Variants in TNFRSF10D observed in about 807,000 individuals in gnomAD.
The protein encoded by TNFRSF10D is TNF receptor superfamily member 10d, also known as tumor necrosis factor receptor superfamily member 10D.
A neutral mutation model predicts 42.1 loss-of-function variants in TNFRSF10D; 28 were observed. That is an observed-to-expected ratio of 0.66 (90% CI 0.49 to 0.91). The LOEUF is 0.91. Among genes scored for constraint, TNFRSF10D ranks in the 40% least tolerant of loss-of-function variants. The pLI, the probability that TNFRSF10D is intolerant of heterozygous loss-of-function variation, is 0.00. For missense variants in TNFRSF10D, 503 were observed against 486.1 expected (o/e 1.03, Z -0.33); for synonymous variants, 186 against 189.4 (o/e 0.98, Z 0.15).
At chr8:23,143,560 T>TA (rs1050682884) in intron 7 of TNFRSF10D, among the ~76,000 whole-genome samples, 3 of 150,968 alleles carry the variant, frequency 2.0e-5, no homozygotes, top group Non-Finnish European at 2.9e-5. Context: ...TTCCCTTCAT[T>TA]AAAAAAAATG....
intron 1 of TNFRSF10D, among the ~76,000 whole-genome samples, chr8:23,161,032 A>G (rs1185775799): frequency 5.2e-3 from 792 of 152,002 alleles, no homozygotes; most frequent in African/African-American, 0.016. Context: ...TGGAGGTGCA[A>G]GTAGGAACAG....
At chr8:23,154,726 A>G (rs1194267843) in intron 2 of TNFRSF10D, 148 bp downstream of exon 2, 1 of 940,948 alleles carries the variant, frequency 1.1e-6, no homozygotes, top group African/African-American at 1.6e-5. Context: ...GTGTTCTTAC[A>G]ACAAATACAC....
intron 2 of TNFRSF10D, 46 bp downstream of exon 2, chr8:23,154,828 T>C: frequency 6.5e-7 from 1 of 1,544,612 alleles, no homozygotes; most frequent in East Asian, 2.4e-5. Context: ...ATACAATGTT[T>C]ATCTGTCAAC....
At chr8:23,147,615 C>A (rs1044730828) in intron 3 of TNFRSF10D, among the ~76,000 whole-genome samples, 2 of 152,194 alleles carry the variant, frequency 1.3e-5, no homozygotes, top group African/African-American at 2.4e-5. Flanking sequence ...GATTTCCCAG[C>A]CTGGTGGCAT....
intron 1 of TNFRSF10D, among the ~76,000 whole-genome samples, chr8:23,158,127 T>C (rs139089541): frequency 5.3e-3 from 805 of 152,066 alleles, no homozygotes; most frequent in African/African-American, 0.018. Flanking sequence ...GTACTTTCCT[T>C]CTTTTCTTTC....
intron 1 of TNFRSF10D, among the ~76,000 whole-genome samples, chr8:23,159,230 CAT>C (rs1324277118): frequency 6.6e-6 from 1 of 152,020 alleles, no homozygotes; most frequent in Non-Finnish European, 1.5e-5. Flanking sequence ...CAGGACTATA[CAT>C]GTGAGCCATC....
rs777747805 is a variant in TNFRSF10D at position 23,145,898 on chromosome 8, A to T, written c.506T>A (p.Val169Asp). Residue 169 changes from valine to aspartate, a missense_variant, in exon 5 of 9, where the codon GTC (valine) becomes GAC (aspartate). Physicochemically the swap from Val to Asp is radical, Grantham distance 152. Coordinates refer to ENST00000312584, the MANE Select transcript of TNFRSF10D (RefSeq NM_003840.5). Reference protein sequence around the residue: ...RTGCPRGMVKVSNCTPRSDIK... With the variant: ...RTGCPRGMVKDSNCTPRSDIK... ...GTCACTCCGGGGCGTACAATTACTG[A>T]CCTTGACCATCCCTCTGGGACACCT... The T allele has an allele frequency of 1.9e-6, 3 of 1,613,940 alleles. No individual in the cohort carries two copies. The African/African-American group carries it at 4.0e-5, about 22-fold the overall frequency.
intron 1 of TNFRSF10D, among the ~76,000 whole-genome samples, chr8:23,163,507 C>T (rs1163660008): frequency 6.6e-6 from 1 of 152,224 alleles, no homozygotes; most frequent in African/African-American, 2.4e-5. Context: ...CTCCCTCCCT[C>T]CGCTGATTCT....
At chr8:23,142,026 C>T (rs967106267) in intron 7 of TNFRSF10D, among the ~76,000 whole-genome samples, 10 of 152,186 alleles carry the variant, frequency 6.6e-5, no homozygotes, top group Admixed American at 2.0e-4. Flanking sequence ...AATCCCAGCA[C>T]TTTGGGAGGC....
In TNFRSF10D at chr8:23,135,723, A is replaced by C; in HGVS notation, c.*2147T>G. On this transcript the variant is annotated 3_prime_UTR_variant, in exon 9 of 9. Transcript: ENST00000312584. ...TCAACCAACGCCAAAAAACCCCAAC[A>C]ATTTCATGTTGTCAGGAAGCTTATG... 2 of 293,864 alleles carry C rather than the reference A, an allele frequency of 6.8e-6. No homozygotes were observed. The highest frequency in any genetic ancestry group is 6.6e-5 in the South Asian group (2 of 30,506). 18.2% of individuals were successfully genotyped at this position (293,864 alleles called of 1,614,324 possible).
intron 2 of TNFRSF10D, among the ~76,000 whole-genome samples, chr8:23,151,985 T>C (rs1800217835): frequency 6.6e-6 from 1 of 152,262 alleles, no homozygotes; most frequent in African/African-American, 2.4e-5. Context: ...GTGGACTGTC[T>C]AATGCCTAAT....
intron 1 of TNFRSF10D, among the ~76,000 whole-genome samples, chr8:23,162,436 G>A (rs1403226110): frequency 6.6e-6 from 1 of 152,060 alleles, no homozygotes; most frequent in Non-Finnish European, 1.5e-5. Flanking sequence ...CTGCTGTTCT[G>A]AATTTAGTAT....
chr8:23,135,764 T>G lies in TNFRSF10D; in HGVS notation c.*2106A>C. On this transcript the variant is annotated 3_prime_UTR_variant, in exon 9 of 9. Transcript: ENST00000312584. ...GAAGCTTATGTTAAAGGAATAAGCT[T>G]AAACACTGATAAGGCTGGTAGTCTA... 2.6e-6 allele frequency: 1 copy of G among 387,664 alleles called. No homozygotes were observed. Among genetic ancestry groups the G allele is most frequent in the Non-Finnish European group, 5.1e-6 (1 of 197,534 alleles). 24.0% of individuals were successfully genotyped at this position (387,664 alleles called of 1,614,324 possible).
At chr8:23,145,202 C>T (rs959681661) in intron 5 of TNFRSF10D, 113 bp from the exon 6 acceptor site, 23 of 1,394,018 alleles carry the variant, frequency 1.6e-5, no homozygotes, top group Non-Finnish European at 2.1e-5. Flanking sequence ...GACAAGGAGC[C>T]CTGGGGCTGG....
chr8:23,146,968 T>A lies in TNFRSF10D; in HGVS notation c.475A>T (p.Arg159Ter). 6.2e-7 allele frequency: 1 copy of A among 1,614,106 alleles called. No homozygotes were observed. The highest frequency in any genetic ancestry group is 1.1e-5 in the South Asian group (1 of 91,084). Reference sequence around the variant, plus strand: ...CCCTGGCTGCTGTCTTACCCTGTTCTACACGTCCGGCACATCTCAGGGGAG... The same window carrying A: ...CCCTGGCTGCTGTCTTACCCTGTTCAACACGTCCGGCACATCTCAGGGGAG... ...KNSPEMCRTC[R>*]TGCPRGMVKV... The change falls in exon 4 of 9, where the codon AGA becomes TGA. Residue 159 changes from arginine (R) to a stop codon, truncating the protein, a stop_gained. Coordinates refer to ENST00000312584, the MANE Select transcript of TNFRSF10D (RefSeq NM_003840.5). LOFTEE classifies it high-confidence loss of function.
At chr8:23,154,266 CA>C (rs1350029887) in intron 2 of TNFRSF10D, among the ~76,000 whole-genome samples, 2 of 152,242 alleles carry the variant, frequency 1.3e-5, no homozygotes, top group East Asian at 1.9e-4. Context: ...TTCAGTTAGA[CA>C]GGGGGAAATA....
intron 7 of TNFRSF10D, among the ~76,000 whole-genome samples, chr8:23,139,155 A>G (rs1157885444): frequency 6.6e-6 from 1 of 151,374 alleles, no homozygotes; most frequent in Non-Finnish European, 1.5e-5. Context: ...GCAATAAATT[A>G]GCAAACAGAA....
chr8:23,160,070 G>A (rs1800343682), intron 1 of TNFRSF10D, among the ~76,000 whole-genome samples: 2 of 152,124 alleles, frequency 1.3e-5, no homozygotes, highest in South Asian at 4.1e-4. Flanking sequence ...CTGGAGGAGG[G>A]GGAGGCAATG....
At chr8:23,152,543 C>T (rs1420624381) in intron 2 of TNFRSF10D, among the ~76,000 whole-genome samples, 1 of 152,172 alleles carries the variant, frequency 6.6e-6, no homozygotes, top group Non-Finnish European at 1.5e-5. Context: ...AGATCAAAAA[C>T]AATTGAACAG....
Sources: gnomAD v4.1 joint callset for allele counts (sites outside exome capture counted in the v4.1 genomes callset) on GRCh38, gnomAD v4.1.1 for gene constraint, MANE v1.5 for transcripts, NCBI Gene and HGNC (gene_info 2026-07-23, HGNC 2026-07-21) for gene names.